Variants in SAFB observed in about 807,000 individuals in gnomAD.
SAFB encodes the protein scaffold attachment factor B1.
SAFB carries 15 observed loss-of-function variants against 101.6 expected under a neutral mutation model. That is an observed-to-expected ratio of 0.15 (90% confidence interval 0.10 to 0.23). The LOEUF (loss-of-function observed/expected upper bound fraction) is 0.23, where lower values mean the gene tolerates loss of function less well. Among genes scored for constraint, SAFB ranks in the 10% least tolerant of loss-of-function variants. The pLI, the probability that SAFB is intolerant of heterozygous loss-of-function variation, is 1.00. For missense variants in SAFB, 930 were observed against 1,104.1 expected (o/e 0.84, Z 2.23); for synonymous variants, 449 against 407.5 (o/e 1.10, Z -1.23).
chr19:5,663,976 T>C (rs368821729), intron 15 of SAFB, 46 bp from the exon 16 acceptor site: 9 of 1,594,684 alleles, frequency 5.6e-6, no homozygotes, highest in Non-Finnish European at 7.7e-6. Context: ...GATAGATACA[T>C]TTGGGGTGGG....
At chr19:5,624,706 T>C (rs72979007) in intron 1 of SAFB, among the ~76,000 whole-genome samples, 250 of 148,458 alleles carry the variant, frequency 1.7e-3, no homozygotes, top group Middle Eastern at 7.1e-3. Flanking sequence ...TTTTTTTTTT[T>C]CCTGATGAGA....
chr19:5,627,709 A>G (rs1291106070), intron 2 of SAFB, among the ~76,000 whole-genome samples: 1 of 151,978 alleles, frequency 6.6e-6, no homozygotes, highest in East Asian at 1.9e-4. Context: ...CGCTCCGCCC[A>G]CCCTTCCCCA....
At chr19:5,653,004 C>CT (rs2053972964) in intron 9 of SAFB, 111 bp from the exon 10 acceptor site, 5 of 1,074,550 alleles carry the variant, frequency 4.7e-6, no homozygotes, top group South Asian at 4.5e-5. Context: ...CCTCCCCAGT[C>CT]TAACACTTGT....
chr19:5,660,580 A>G (rs1414971648), intron 14 of SAFB, among the ~76,000 whole-genome samples: 1 of 151,638 alleles, frequency 6.6e-6, no homozygotes, highest in African/African-American at 2.4e-5. Flanking sequence ...TAAAGGATCG[A>G]AAGAAGAAAA....
At chr19:5,653,094 A>G (rs1181295403) in intron 9 of SAFB, 21 bp from the exon 10 acceptor site, 5 of 1,612,792 alleles carry the variant, frequency 3.1e-6, no homozygotes, top group Admixed American at 3.3e-5. Flanking sequence ...TCTGAGTCAT[A>G]TTTGCCTGCT....
rs1400536010 is a variant in SAFB, at chr19:5,667,273, C to T, written c.2454-74C>T. 5.3e-6 allele frequency: 7 copies of T among 1,309,656 alleles called. No homozygotes were observed. Among genetic ancestry groups the T allele is most frequent in the Admixed American group, 2.8e-5 (1 of 35,524 alleles). 81.1% of individuals were successfully genotyped at this position (1,309,656 alleles called of 1,614,324 possible). ...GGGAAACACAGAGGGATTCACTCTC[C>T]AGAAGCCGCCACAGTTATTAGCACA... On this transcript the variant is annotated intron_variant, in intron 18 of 20. Coordinates refer to ENST00000588852, the MANE Select transcript of SAFB (RefSeq NM_001201338.2). This position sits in a 1 kb window ranked among gnomAD's most constrained non-coding sequence, Gnocchi z 4.0.
At chr19:5,662,661 G>A (rs995386558) in intron 15 of SAFB, among the ~76,000 whole-genome samples, 12 of 142,398 alleles carry the variant, frequency 8.4e-5, no homozygotes, top group Non-Finnish European at 1.8e-4. Flanking sequence ...TTTTTTTTGA[G>A]ATAGAGTCTC....
chr19:5,663,456 GTTTC>G lies in SAFB; in HGVS notation c.2154-560_2154-557del, dbSNP rs1266039593. On this transcript the variant is annotated intron_variant, in intron 15 of 20. Coordinates refer to ENST00000588852, the MANE Select transcript of SAFB (RefSeq NM_001201338.2). ...AACCTGGCAAAAATTGCTGTTTGTT[GTTTC>G]TTTCTATTGCATGGGTTGAAGAGGA... Among the ~76,000 whole-genome samples the G allele has an allele frequency of 1.3e-4, 20 of 152,308 alleles. No homozygotes were observed. The East Asian group carries it at 3.5e-3, about 26-fold the overall frequency.
intron 15 of SAFB, among the ~76,000 whole-genome samples, chr19:5,662,475 T>C (rs368886425): frequency 4.0e-5 from 6 of 149,752 alleles, no homozygotes; most frequent in East Asian, 2.1e-4. Flanking sequence ...GCCTGGGCAA[T>C]AGAGTGAGAC....
Position 5,648,001 on chromosome 19 carries a change from C to CA in SAFB, c.610-15_610-14insA. On this transcript the variant is annotated splice_polypyrimidine_tract_variant and intron_variant, in intron 5 of 20. Coordinates refer to ENST00000588852, the MANE Select transcript of SAFB (RefSeq NM_001201338.2). Reference sequence around the variant, plus strand: ...CATTCATCTGGCACAGTCTTATTTACGTTTTTTCTTGCAGGAAATTGAAGA... The same window carrying CA: ...CATTCATCTGGCACAGTCTTATTTACAGTTTTTTCTTGCAGGAAATTGAAGA... The CA allele has an allele frequency of 6.2e-7, 1 of 1,610,340 alleles. No individual in the cohort carries two copies. The highest frequency in any genetic ancestry group is 2.2e-5 in the East Asian group (1 of 44,714).
chr19:5,626,528 T>C, intron 2 of SAFB, 39 bp downstream of exon 2: 3 of 1,239,912 alleles, frequency 2.4e-6, no homozygotes, highest in Non-Finnish European at 3.6e-6. Flanking sequence ...TGTTAAGTGC[T>C]TTCTTCAAAA....
chr19:5,652,555 C>T (rs1405305751), intron 9 of SAFB, among the ~76,000 whole-genome samples: 1 of 152,186 alleles, frequency 6.6e-6, no homozygotes, highest in Non-Finnish European at 1.5e-5. Flanking sequence ...CTTCTGCCGT[C>T]AAAGGGCGAC....
intron 2 of SAFB, among the ~76,000 whole-genome samples, chr19:5,639,080 A>G (rs1260818047): frequency 1.3e-5 from 2 of 152,224 alleles, no homozygotes; most frequent in Admixed American, 6.5e-5. Flanking sequence ...AACTGGAACA[A>G]AAATAACAGA....
At chr19:5,634,915 G>A (rs899935270) in intron 2 of SAFB, among the ~76,000 whole-genome samples, 1 of 152,018 alleles carries the variant, frequency 6.6e-6, no homozygotes, top group Non-Finnish European at 1.5e-5. Flanking sequence ...AGGTGGGCGG[G>A]TCACTCTAGG....
At chr19:5,659,033 T>A (rs966024045) in intron 14 of SAFB, among the ~76,000 whole-genome samples, 2 of 151,670 alleles carry the variant, frequency 1.3e-5, no homozygotes, top group African/African-American at 4.9e-5. Flanking sequence ...TAATCCCAGC[T>A]ACTTGGGCTG....
In SAFB at chr19:5,667,891, G is replaced by A. The variant is rs376214267; in HGVS notation, c.2624+5G>A. ...GAACCGAGGAGGAATGTCAGGGTAAGGCATGCTGGGGGCGGCGCCCCTTCC... is the reference window on the plus strand; with the variant it reads ...GAACCGAGGAGGAATGTCAGGGTAAAGCATGCTGGGGGCGGCGCCCCTTCC... On this transcript the variant is annotated splice_donor_5th_base_variant and intron_variant, in intron 20 of 20. Coordinates refer to ENST00000588852, the MANE Select transcript of SAFB (RefSeq NM_001201338.2). The surrounding 1 kb of genome is among the most constrained non-coding windows in gnomAD (Gnocchi z 4.0). 34 of 1,599,714 alleles carry A rather than the reference G, an allele frequency of 2.1e-5. No individual in the cohort carries two copies. The African/African-American group carries it at 4.6e-4, about 21-fold the overall frequency.
chr19:5,659,968 A>AG (rs1233253239), intron 14 of SAFB, among the ~76,000 whole-genome samples: 1 of 152,178 alleles, frequency 6.6e-6, no homozygotes, highest in African/African-American at 2.4e-5. Flanking sequence ...CTTTCATACT[A>AG]GGGGCTCCTC....
chr19:5,659,010 T>C (rs1311272141), intron 14 of SAFB, among the ~76,000 whole-genome samples: 1 of 151,800 alleles, frequency 6.6e-6, no homozygotes, highest in Non-Finnish European at 1.5e-5. Flanking sequence ...CCAGGTATGG[T>C]GGTGCGTGCC....
At chr19:5,629,819 AG>A (rs2053450371) in intron 2 of SAFB, among the ~76,000 whole-genome samples, 1 of 152,146 alleles carries the variant, frequency 6.6e-6, no homozygotes, top group African/African-American at 2.4e-5. Flanking sequence ...GCACTTTGGG[AG>A]GCTGAGGTGG....
Sources: gnomAD v4.1 joint callset for allele counts (sites outside exome capture counted in the v4.1 genomes callset) on GRCh38, gnomAD v4.1.1 for gene constraint, Gnocchi (gnomAD v3.1) non-coding constraint, MANE v1.5 for transcripts, NCBI Gene and HGNC (gene_info 2026-07-23, HGNC 2026-07-21) for gene names.